The following TMEM87B variants were observed in gnomAD, a reference collection of about 807,000 sequenced individuals.
TMEM87B encodes transmembrane protein 87B.
A neutral mutation model predicts 80.3 loss-of-function variants in TMEM87B; 83 were observed. The ratio of observed to expected loss-of-function variants is 1.03; its 90% CI spans 0.87 to 1.24. The LOEUF is 1.24. Among genes scored for constraint, TMEM87B ranks in the 50% most tolerant of loss-of-function variants. TMEM87B has a pLI of 0.00. For missense variants in TMEM87B, 625 were observed against 674.4 expected, an observed-to-expected ratio of 0.93 and a Z score of 0.81; for synonymous variants, 219 against 230.5, an observed-to-expected ratio of 0.95 and a Z score of 0.45.
In TMEM87B at chr2:112,064,151, T is replaced by C. The variant is rs1029682021; in HGVS notation, c.227-11T>C. The C allele has an allele frequency of 1.9e-6, 3 of 1,611,352 alleles. No homozygotes were observed. The highest frequency in any genetic ancestry group is 1.7e-6 in the Non-Finnish European group (2 of 1,178,628). On this transcript the variant is annotated splice_polypyrimidine_tract_variant and intron_variant, in intron 2 of 18. Transcript: ENST00000283206. ...TATTCATGTAAAACAAGACTTTCTT[T>C]TTCTAAACAGTTAAGTCATTCCATT...
chr2:112,075,075 T>C (rs577773892), intron 5 of TMEM87B, 113 bp downstream of exon 5: 6 of 1,408,150 alleles, frequency 4.3e-6, no homozygotes, highest in Non-Finnish European at 5.6e-6. Flanking sequence ...TTATTAGAAC[T>C]GTGGAAGGAA....
rs1280604330 is a variant in TMEM87B at position 112,117,972 on chromosome 2, G to C, written c.*1829G>C. 6.6e-6 allele frequency: 1 copy of C among 152,142 alleles called. No individual in the cohort carries two copies. The highest frequency in any genetic ancestry group is 2.4e-5 in the African/African-American group (1 of 41,408). 9.4% of individuals were successfully genotyped at this position (152,142 alleles called of 1,614,324 possible). On this transcript the variant is annotated 3_prime_UTR_variant, in exon 19 of 19. Transcript: ENST00000283206. ...ATGTTAATAAAGGGAAACTGTCTCT[G>C]ACAGAATCTCAGTAATGTTTACCAA...
rs1241030188 is a variant in TMEM87B, at chr2:112,116,499, T to C, written c.*356T>C. The stretch of plus-strand genomic sequence containing the variant: ...TTAAAGAAAAATGTTTTTTAATAAA[T>C]ACCCTTGGTCTTTCTTCTAGTCACC... On this transcript the variant is annotated 3_prime_UTR_variant, in exon 19 of 19. Transcript: ENST00000283206. 1.8e-5 allele frequency: 3 copies of C among 171,154 alleles called. No homozygotes were observed. The highest frequency in any genetic ancestry group is 3.7e-5 in the Non-Finnish European group (3 of 80,754). The allele number at this position is 171,154 out of a possible 1,614,324, so 10.6% of individuals were successfully genotyped here. A position where few individuals can be genotyped will look rare whatever the true frequency, so the allele number is the denominator to read the frequency against.
chr2:112,072,315 C>T (rs188288996), intron 4 of TMEM87B, among the ~76,000 whole-genome samples: 1 of 152,144 alleles, frequency 6.6e-6, no homozygotes, highest in Admixed American at 6.5e-5. Context: ...GGAGGAGTCC[C>T]TCCTCCTCAA....
rs769380852 is a variant in TMEM87B at position 112,089,609 on chromosome 2, C to T, written c.939-16C>T. 8 of 1,613,194 alleles carry T rather than the reference C, an allele frequency of 5.0e-6. No homozygotes were observed. The South Asian group carries it at 8.8e-5, about 18-fold the overall frequency. On this transcript the variant is annotated splice_polypyrimidine_tract_variant and intron_variant, in intron 9 of 18. Coordinates refer to ENST00000283206, the MANE Select transcript of TMEM87B (RefSeq NM_032824.3). ...ATGCTTTTTCTTCTTTCTCTGTTTC[C>T]TCTTCCTGATTCCAGGCCTCGTTTA...
At chr2:112,099,541 TATATATATATATATAC>T (rs1214246821) in intron 14 of TMEM87B, among the ~76,000 whole-genome samples, 1 of 109,746 alleles carries the variant, frequency 9.1e-6, no homozygotes, top group African/African-American at 4.1e-5. Flanking sequence ...TATATATATA[TATATATATATATATAC>T]ACACACACAC....
At chr2:112,067,266 T>C (rs1352336289) in intron 4 of TMEM87B, among the ~76,000 whole-genome samples, 199 bp downstream of exon 4, 1 of 152,208 alleles carries the variant, frequency 6.6e-6, no homozygotes, top group African/African-American at 2.4e-5. Context: ...GTGGTTAACT[T>C]GTAAATTTTT....
chr2:112,074,603 G>A (rs1678753561), intron 4 of TMEM87B, among the ~76,000 whole-genome samples: 1 of 152,018 alleles, frequency 6.6e-6, no homozygotes, highest in Admixed American at 6.6e-5. Context: ...TTTGAATGTT[G>A]GCCCCTCTAG....
intron 14 of TMEM87B, among the ~76,000 whole-genome samples, chr2:112,099,614 G>A (rs1239050356): frequency 1.4e-5 from 2 of 147,128 alleles, no homozygotes; most frequent in Non-Finnish European, 3.0e-5. Context: ...TTAAGGTCAC[G>A]CCTATAATCC....
At chr2:112,102,273 A>T (rs1009901098) in intron 15 of TMEM87B, among the ~76,000 whole-genome samples, 4 of 152,264 alleles carry the variant, frequency 2.6e-5, no homozygotes, top group African/African-American at 4.8e-5. Flanking sequence ...AAAATTCTTT[A>T]AAAATATTAG....
At position 112,113,678 on chromosome 2, in the gene TMEM87B, C is replaced by CA. The variant is rs532661616; in HGVS notation, c.1608+750dup. On this transcript the variant is annotated intron_variant, in intron 18 of 18. Transcript: ENST00000283206. ...TTCATAACTCTACAGAAAGATGTAG[C>CA]ATTACAGAAAGATTCATAACTCTAC... Among the ~76,000 whole-genome samples the CA allele has an allele frequency of 2.8e-3, 421 of 148,590 alleles. 6 individuals are homozygous for CA. The highest frequency in any genetic ancestry group is 0.01 in the African/African-American group (404 of 39,812).
intron 17 of TMEM87B, among the ~76,000 whole-genome samples, chr2:112,110,169 A>G (rs970846772): frequency 5.3e-5 from 8 of 152,186 alleles, no homozygotes; most frequent in Admixed American, 6.5e-5. Flanking sequence ...TTGTATTGCA[A>G]TCACATTCTC....
intron 17 of TMEM87B, among the ~76,000 whole-genome samples, chr2:112,109,664 C>CTTTTTTTTTTTTTTTT (rs561752709): frequency 2.8e-4 from 13 of 46,348 alleles, no homozygotes; most frequent in Non-Finnish European, 3.4e-4. Context: ...TAAGTATGGT[C>CTTTTTTTTTTTTTTTT]TTTTTTTTTT....
At chr2:112,065,302 T>C (rs921982909) in intron 3 of TMEM87B, among the ~76,000 whole-genome samples, 27 of 152,190 alleles carry the variant, frequency 1.8e-4, no homozygotes, top group African/African-American at 6.5e-4. Context: ...ACAGTATAAT[T>C]ATAGAATTCA....
intron 1 of TMEM87B, 112 bp downstream of exon 1, chr2:112,055,868 G>C (rs1678036824): frequency 2.1e-5 from 27 of 1,307,026 alleles, no homozygotes; most frequent in Admixed American, 3.8e-5. Flanking sequence ...TCAGCACCGG[G>C]TCCCCTGATA....
chr2:112,087,352 A>G (rs1679178474), intron 9 of TMEM87B, among the ~76,000 whole-genome samples: 1 of 151,918 alleles, frequency 6.6e-6, no homozygotes, highest in Non-Finnish European at 1.5e-5. Context: ...GTTGTACTCA[A>G]TCCCCTTGCC....
chr2:112,112,787 A>G, intron 17 of TMEM87B, 112 bp from the exon 18 acceptor site: 1 of 978,046 alleles, frequency 1.0e-6, no homozygotes, highest in Non-Finnish European at 1.6e-6. Flanking sequence ...TCACCTGTGG[A>G]TACCCAGGAG....
intron 2 of TMEM87B, among the ~76,000 whole-genome samples, chr2:112,062,176 CTG>C (rs747628791): frequency 3.0e-4 from 46 of 152,326 alleles, no homozygotes; most frequent in Middle Eastern, 6.8e-3. Flanking sequence ...AGATGAGAAT[CTG>C]TGTTTTCACA....
intron 8 of TMEM87B, among the ~76,000 whole-genome samples, chr2:112,084,467 C>T (rs1434817159): frequency 3.3e-5 from 5 of 152,188 alleles, no homozygotes; most frequent in East Asian, 3.8e-4. Flanking sequence ...CTTTGTGTGG[C>T]GGTCTCGCCC....
Sources: gnomAD v4.1 joint callset for allele counts (sites outside exome capture counted in the v4.1 genomes callset) on GRCh38, gnomAD v4.1.1 for gene constraint, MANE v1.5 for transcripts, NCBI Gene and HGNC (gene_info 2026-07-23, HGNC 2026-07-21) for gene names.